The following PGAP3 variants were observed in gnomAD, a reference collection of about 807,000 sequenced individuals.
PGAP3 encodes post-GPI attachment to proteins phospholipase 3.
A neutral mutation model predicts 40.3 loss-of-function variants in PGAP3; 31 were observed. That is an observed-to-expected ratio of 0.77 (90% CI 0.58 to 1.04). The LOEUF (loss-of-function observed/expected upper bound fraction) is 1.04, where lower values mean the gene tolerates loss of function less well. Ranked by LOEUF, PGAP3 falls within the 50% of genes least tolerant of loss-of-function variation. The probability of loss-of-function intolerance (pLI) is 0.00; values close to 1 mark genes in which losing one functional copy is unlikely to be tolerated. For missense variants in PGAP3, 413 were observed against 423.0 expected, an observed-to-expected ratio of 0.98 and a Z score of 0.21; for synonymous variants, 191 against 184.5, an observed-to-expected ratio of 1.04 and a Z score of -0.29.
At chr17:39,686,098 A>T (rs2057509673) in intron 1 of PGAP3, 79 bp from the exon 2 acceptor site, 1 of 1,273,872 alleles carries the variant, frequency 7.9e-7, no homozygotes, top group East Asian at 2.5e-5. Context: ...CCAAGCGCAA[A>T]TGTAGGCCAA....
Position 39,673,632 on chromosome 17 carries a change from G to C in PGAP3, c.576C>G (p.His192Gln). 1 of 1,614,058 alleles carries C rather than the reference G, an allele frequency of 6.2e-7. No individual in the cohort carries two copies. The highest frequency in any genetic ancestry group is 1.1e-5 in the South Asian group (1 of 91,090). Reference sequence around the variant, plus strand: ...CCCGGAAGGCACTGACCACAGCTGGGTGCTGCAGCCCCACGGTCCTGCCCC... The same window carrying C: ...CCCGGAAGGCACTGACCACAGCTGGCTGCTGCAGCCCCACGGTCCTGCCCC... ...LCCVRTVGLQHPAVVSAFRAL... is the reference protein window; with the variant it reads ...LCCVRTVGLQQPAVVSAFRAL... Residue 192 changes from histidine (H) to glutamine (Q), a missense_variant, in exon 6 of 8, where the codon CAC becomes CAG. His to Gln is a conservative substitution (Grantham distance 24). Transcript: ENST00000300658.
chr17:39,676,979 G>C lies in PGAP3; in HGVS notation c.433-2300C>G, dbSNP rs186214814. Among the ~76,000 whole-genome samples, 7 of 152,286 alleles carry C rather than the reference G, an allele frequency of 4.6e-5. No homozygotes were observed. In the East Asian group the frequency reaches 1.3e-3, roughly 29 times the overall value. ...TAGGCAGATAAGGGGTGGTCTCCTA[G>C]CTGCCTAGGCCCACCTCCACAGCTC... On this transcript the variant is annotated intron_variant, in intron 3 of 7. Transcript: ENST00000300658.
chr17:39,686,382 G>A (rs985030382), intron 1 of PGAP3, among the ~76,000 whole-genome samples: 110 of 151,442 alleles, frequency 7.3e-4, no homozygotes, highest in African/African-American at 2.2e-3. Flanking sequence ...TCAGGCTCCC[G>A]AGTAGCTGGG....
chr17:39,686,184 G>T (rs1055789722), intron 1 of PGAP3, among the ~76,000 whole-genome samples, 165 bp from the exon 2 acceptor site: 4 of 152,224 alleles, frequency 2.6e-5, no homozygotes, highest in Admixed American at 1.3e-4. Context: ...GAGAGATGAT[G>T]AGATGTACAC....
At chr17:39,678,462 G>A (rs12150603) in intron 3 of PGAP3, among the ~76,000 whole-genome samples, 79,741 of 152,092 alleles carry the variant, frequency 0.52, 23,826 homozygotes, top group South Asian at 0.7. Context: ...CCCACCCGCC[G>A]CCTGGCTGCT....
chr17:39,680,517 C>T (rs906247719), intron 3 of PGAP3, among the ~76,000 whole-genome samples: 1 of 152,144 alleles, frequency 6.6e-6, no homozygotes, highest in African/African-American at 2.4e-5. Context: ...GTCTAAGGCT[C>T]GGCCTGGACT....
chr17:39,675,525 G>A (rs1014817820), intron 3 of PGAP3, among the ~76,000 whole-genome samples: 3 of 152,206 alleles, frequency 2.0e-5, no homozygotes, highest in African/African-American at 7.2e-5. Context: ...GGAACAGCAG[G>A]CCAGGCCGGG....
At position 39,671,446 on chromosome 17, in the gene PGAP3, G is replaced by A. The variant is rs566550530; in HGVS notation, c.*1357C>T. ...GCATAGTGTGGCCCCTGCCTGCCCT[G>A]GGGCCACCCTGGAACAGTAAGACCC... On this transcript the variant is annotated 3_prime_UTR_variant, in exon 8 of 8. Transcript: ENST00000300658. 1 of 152,452 alleles carries A rather than the reference G, an allele frequency of 6.6e-6. No homozygotes were observed. The highest frequency in any genetic ancestry group is 2.4e-5 in the African/African-American group (1 of 41,560). The allele number at this position is 152,452 out of a possible 1,614,324, so 9.4% of individuals were successfully genotyped here.
intron 1 of PGAP3, 63 bp downstream of exon 1, chr17:39,687,771 T>G: frequency 8.1e-7 from 1 of 1,242,060 alleles, no homozygotes; most frequent in Non-Finnish European, 1.0e-6. Context: ...CAGAGGCGTA[T>G]TGGGGGCGCA....
At chr17:39,686,124 G>T in intron 1 of PGAP3, 105 bp from the exon 2 acceptor site, 1 of 931,700 alleles carries the variant, frequency 1.1e-6, no homozygotes. Flanking sequence ...CCTGTAAGTT[G>T]GAGAGAACCA....
Position 39,671,149 on chromosome 17 carries a change from C to T in PGAP3, c.*1654G>A, listed in dbSNP as rs2057300074. 2 of 152,520 alleles carry T rather than the reference C, an allele frequency of 1.3e-5. No individual in the cohort carries two copies. The highest frequency in any genetic ancestry group is 2.1e-4 in the South Asian group (1 of 4,832). The allele number at this position is 152,520 out of a possible 1,614,324, so 9.4% of individuals were successfully genotyped here. A position where few individuals can be genotyped will look rare whatever the true frequency, so the allele number is the denominator to read the frequency against. On this transcript the variant is annotated 3_prime_UTR_variant, in exon 8 of 8. Transcript: ENST00000300658. ...AGGCTTGGAATTGATTTATTAAGCA[C>T]ATCCCTTGCCACCCTCCCACCTTAA...
At chr17:39,683,829 G>A (rs563302362) in intron 3 of PGAP3, among the ~76,000 whole-genome samples, 67 of 152,270 alleles carry the variant, frequency 4.4e-4, no homozygotes, top group Admixed American at 7.2e-4. Context: ...GATGGTCTAA[G>A]CCTAGGCTGA....
At chr17:39,674,928 G>A (rs1185433820) in intron 3 of PGAP3, among the ~76,000 whole-genome samples, 2 of 152,166 alleles carry the variant, frequency 1.3e-5, no homozygotes, top group East Asian at 1.9e-4. Flanking sequence ...CACAGGTTCC[G>A]GCCTGGCCTG....
intron 3 of PGAP3, among the ~76,000 whole-genome samples, chr17:39,678,751 G>A (rs1215793537): frequency 6.6e-6 from 1 of 152,140 alleles, no homozygotes; most frequent in Non-Finnish European, 1.5e-5. Flanking sequence ...GAAACTCACA[G>A]GGCAACTGGG....
intron 3 of PGAP3, among the ~76,000 whole-genome samples, chr17:39,675,532 C>A (rs766973171): frequency 6.6e-6 from 1 of 152,034 alleles, no homozygotes. Context: ...CAGGCCAGGC[C>A]GGGAATGGCC....
Position 39,685,058 on chromosome 17 carries a change from A to G in PGAP3, c.280-309T>C, listed in dbSNP as rs190540961. Among the ~76,000 whole-genome samples the G allele has an allele frequency of 1.1e-4, 16 of 152,284 alleles. No homozygotes were observed. In the East Asian group the frequency reaches 3.1e-3, roughly 29 times the overall value. On this transcript the variant is annotated intron_variant, in intron 2 of 7. Coordinates refer to ENST00000300658, the MANE Select transcript of PGAP3 (RefSeq NM_033419.5). ...ACAGCACAGAGTTGCCATCCAGAAG[A>G]CACAGGTCCCAACCCCTCCTCTACC...
At position 39,684,760 on chromosome 17, in the gene PGAP3, A is replaced by G. The variant is rs1283032299; in HGVS notation, c.280-11T>C. 1 of 1,586,328 alleles carries G rather than the reference A, an allele frequency of 6.3e-7. No individual in the cohort carries two copies. The highest frequency in any genetic ancestry group is 2.3e-5 in the East Asian group (1 of 43,668). On this transcript the variant is annotated splice_polypyrimidine_tract_variant and intron_variant, in intron 2 of 7. Coordinates refer to ENST00000300658, the MANE Select transcript of PGAP3 (RefSeq NM_033419.5). ...CCGGGAGAAGGGCCACTGAAAAAGG[A>G]GCAGATGAAGGAGGTTTGAAGGGCA...
chr17:39,674,743 T>C, intron 3 of PGAP3, 64 bp from the exon 4 acceptor site: 1 of 1,441,034 alleles, frequency 6.9e-7, no homozygotes, highest in Non-Finnish European at 9.5e-7. Context: ...GGGACCCCCA[T>C]TTGCTCACAT....
chr17:39,675,012 C>T (rs2145105243), intron 3 of PGAP3, among the ~76,000 whole-genome samples: 1 of 145,694 alleles, frequency 6.9e-6, no homozygotes, highest in East Asian at 2.0e-4. Flanking sequence ...GGCCTTGCCT[C>T]CTCCTCCAAC....
Sources: gnomAD v4.1 joint callset for allele counts (sites outside exome capture counted in the v4.1 genomes callset) on GRCh38, gnomAD v4.1.1 for gene constraint, MANE v1.5 for transcripts, NCBI Gene and HGNC (gene_info 2026-07-23, HGNC 2026-07-21) for gene names.